The following TNKS2 variants were observed in gnomAD, a reference collection of about 807,000 sequenced individuals.
TNKS2 encodes tankyrase 2.
Under a neutral mutation model 137.6 loss-of-function variants are expected in TNKS2, and 72 were observed. The ratio of observed to expected loss-of-function variants is 0.52; its 90% CI spans 0.43 to 0.64. The LOEUF (loss-of-function observed/expected upper bound fraction) is 0.64. TNKS2 is among the 30% of genes least tolerant of loss of function. The pLI is 0.00. For missense variants in TNKS2, 1,049 were observed against 1,410.2 expected (o/e 0.74, Z 4.10); for synonymous variants, 516 against 512.1 (o/e 1.01, Z -0.10).
chr10:91,849,597 G>A lies in TNKS2; in HGVS notation c.2694+3G>A, dbSNP rs1335854211. ...TGGATATATTTGAGAGAGAACAGGT[G>A]AGTAGATAAATCATATTGTTTGGAT... is the stretch of plus-strand genomic sequence containing the variant. On this transcript the variant is annotated splice_donor_region_variant and intron_variant, in intron 20 of 26. Transcript: ENST00000371627. 1.3e-6 allele frequency: 2 copies of A among 1,597,208 alleles called. No individual in the cohort carries two copies. The highest frequency in any genetic ancestry group is 1.3e-5 in the African/African-American group (1 of 74,164).
At chr10:91,850,374 A>G (rs1842505821) in intron 20 of TNKS2, among the ~76,000 whole-genome samples, 1 of 150,358 alleles carries the variant, frequency 6.7e-6, no homozygotes, top group African/African-American at 2.4e-5. Context: ...TCTCAAAAAA[A>G]AAAAAAAAAA....
chr10:91,823,320 GTTTTTTT>G (rs3043666), intron 7 of TNKS2, among the ~76,000 whole-genome samples: 41,455 of 114,048 alleles, frequency 0.36, 6,668 homozygotes, highest in South Asian at 0.57. Flanking sequence ...TGGTTTTTTG[GTTTTTTT>G]TTTTTTTTTT....
intron 1 of TNKS2, among the ~76,000 whole-genome samples, chr10:91,804,442 G>C (rs1471792418): frequency 2.0e-5 from 3 of 152,196 alleles, no homozygotes. Context: ...AAGTAGAACA[G>C]TGTTTGAAGT....
intron 1 of TNKS2, among the ~76,000 whole-genome samples, chr10:91,812,193 G>T (rs1844532781): frequency 6.6e-6 from 1 of 152,094 alleles, no homozygotes; most frequent in Admixed American, 6.5e-5. Context: ...TTCAAAGCTA[G>T]GTGTAAAAAG....
chr10:91,841,491 C>A (rs768558869), intron 15 of TNKS2, 43 bp downstream of exon 15: 1 of 1,450,792 alleles, frequency 6.9e-7, no homozygotes, highest in South Asian at 1.5e-5. Flanking sequence ...AATTACATAG[C>A]ATATGTTTAT....
At chr10:91,806,285 G>A (rs1353175544) in intron 1 of TNKS2, among the ~76,000 whole-genome samples, 1 of 152,024 alleles carries the variant, frequency 6.6e-6, no homozygotes, top group Non-Finnish European at 1.5e-5. Flanking sequence ...CTAGTTTACT[G>A]GAAAACATAA....
chr10:91,828,519 T>A, intron 9 of TNKS2, 113 bp downstream of exon 9: 1 of 1,101,916 alleles, frequency 9.1e-7, no homozygotes, highest in Non-Finnish European at 1.2e-6. Flanking sequence ...TTTAAAAAAT[T>A]ACTGCCTATG....
Position 91,807,995 on chromosome 10 carries a change from C to CA in TNKS2, c.200-4971dup, listed in dbSNP as rs35736923. ...TGGGGGACAGAGCGAGACTCTGTCT[C>CA]AAAAAAAAAAAAAAAAAGAGTCTAG... On this transcript the variant is annotated intron_variant, in intron 1 of 26. Coordinates refer to ENST00000371627, the MANE Select transcript of TNKS2 (RefSeq NM_025235.4). Among the ~76,000 whole-genome samples, 205 of 118,556 alleles carry CA rather than the reference C, an allele frequency of 1.7e-3. 2 individuals are homozygous for CA. The highest frequency in any genetic ancestry group is 2.9e-3 in the Non-Finnish European group (163 of 57,178). 77.8% of individuals were successfully genotyped at this position (118,556 alleles called of 152,430 possible). A position where few individuals can be genotyped will look rare whatever the true frequency, so the allele number is the denominator to read the frequency against.
intron 21 of TNKS2, among the ~76,000 whole-genome samples, chr10:91,854,093 T>A (rs1842633582): frequency 6.6e-6 from 1 of 152,118 alleles, no homozygotes; most frequent in Non-Finnish European, 1.5e-5. Flanking sequence ...AGGTAAACAA[T>A]CTATTATGGG....
chr10:91,824,652 T>C (rs956531009), intron 7 of TNKS2, among the ~76,000 whole-genome samples: 2 of 152,162 alleles, frequency 1.3e-5, no homozygotes, highest in African/African-American at 4.8e-5. Context: ...ATGGTTGACT[T>C]GATAAAAAAT....
intron 18 of TNKS2, among the ~76,000 whole-genome samples, chr10:91,847,600 C>T (rs1393303798): frequency 2.0e-5 from 2 of 101,714 alleles, no homozygotes; most frequent in Non-Finnish European, 3.9e-5. Flanking sequence ...GTGATCGACC[C>T]ACCTCGGCCT....
At chr10:91,842,821 A>G (rs1175560040) in intron 16 of TNKS2, among the ~76,000 whole-genome samples, 2 of 152,172 alleles carry the variant, frequency 1.3e-5, no homozygotes, top group Non-Finnish European at 2.9e-5. Context: ...TGCCACCATT[A>G]TACTCTTCAG....
intron 19 of TNKS2, 151 bp from the exon 20 acceptor site, chr10:91,849,361 G>A (rs1842474689): frequency 4.3e-6 from 2 of 466,734 alleles, no homozygotes; most frequent in Admixed American, 4.3e-5. Context: ...TTGAAATTTT[G>A]TAGCTTTCTC....
At chr10:91,836,107 A>G (rs999952597) in intron 12 of TNKS2, among the ~76,000 whole-genome samples, 2 of 116,974 alleles carry the variant, frequency 1.7e-5, no homozygotes, top group African/African-American at 6.9e-5. Context: ...CAATGGCGTT[A>G]TCTTGGCTCA....
intron 3 of TNKS2, among the ~76,000 whole-genome samples, chr10:91,818,341 A>G (rs1844776882): frequency 1.3e-5 from 2 of 152,164 alleles, no homozygotes; most frequent in African/African-American, 4.8e-5. Flanking sequence ...TTCATAGTTA[A>G]TCCTTTTTTA....
At chr10:91,825,207 A>G (rs1243359276) in intron 7 of TNKS2, among the ~76,000 whole-genome samples, 1 of 151,882 alleles carries the variant, frequency 6.6e-6, no homozygotes, top group Admixed American at 6.6e-5. Flanking sequence ...GGCTCAGGTG[A>G]TCCTCCCACC....
At chr10:91,848,348 C>A (rs1483540252) in intron 18 of TNKS2, 35 bp from the exon 19 acceptor site, 2 of 1,591,902 alleles carry the variant, frequency 1.3e-6, no homozygotes, top group South Asian at 2.3e-5. Context: ...TTAAAACTTG[C>A]TTATGGCAGA....
Position 91,819,314 on chromosome 10 carries a change from C to T in TNKS2, c.557+8C>T. The T allele has an allele frequency of 6.9e-7, 1 of 1,450,674 alleles. No individual in the cohort carries two copies. The allele number at this position is 1,450,674 out of a possible 1,614,324, so 89.9% of individuals were successfully genotyped here. ...ACTCTTAGAAAGTGCCAGGTACGTA[C>T]TAATGTTATAAATATGTGACAGGAA... On this transcript the variant is annotated splice_region_variant and intron_variant, in intron 4 of 26. Transcript: ENST00000371627.
chr10:91,837,522 C>T (rs941451208), intron 13 of TNKS2, among the ~76,000 whole-genome samples: 10 of 152,184 alleles, frequency 6.6e-5, no homozygotes, highest in African/African-American at 2.4e-4. Context: ...GAGTCTTCCC[C>T]AGAGTAACCC....
Sources: gnomAD v4.1 joint callset for allele counts (sites outside exome capture counted in the v4.1 genomes callset) on GRCh38, gnomAD v4.1.1 for gene constraint, MANE v1.5 for transcripts, NCBI Gene and HGNC (gene_info 2026-07-23, HGNC 2026-07-21) for gene names.